The following GARRE1 variants were observed in gnomAD, a reference collection of about 807,000 sequenced individuals.
The protein encoded by GARRE1 is granule associated Rac and RHOG effector protein 1.
A neutral mutation model predicts 103.2 loss-of-function variants in GARRE1; 49 were observed. The observed-to-expected ratio is 0.47, with a 90% CI of 0.38 to 0.60. The LOEUF (loss-of-function observed/expected upper bound fraction) is 0.60. Among genes scored for constraint, GARRE1 ranks in the 20% least tolerant of loss-of-function variants. The probability of loss-of-function intolerance (pLI) is 0.00; values close to 1 mark genes in which losing one functional copy is unlikely to be tolerated. For missense variants in GARRE1, 1,199 were observed against 1,370.5 expected (o/e 0.87, Z 1.98); for synonymous variants, 505 against 532.8 (o/e 0.95, Z 0.72).
intron 1 of GARRE1, among the ~76,000 whole-genome samples, chr19:34,266,148 C>T (rs551760524): frequency 5.5e-4 from 84 of 152,286 alleles, no homozygotes; most frequent in Admixed American, 2.5e-3. Context: ...TTAGGAGAAC[C>T]TTAGTGAATG....
chr19:34,300,384 T>C lies in GARRE1; in HGVS notation c.-90T>C. 7.0e-7 allele frequency: 1 copy of C among 1,438,626 alleles called. No individual in the cohort carries two copies. The highest frequency in any genetic ancestry group is 9.3e-7 in the Non-Finnish European group (1 of 1,077,874). 89.1% of individuals were successfully genotyped at this position (1,438,626 alleles called of 1,614,324 possible). A position where few individuals can be genotyped will look rare whatever the true frequency, so the allele number is the denominator to read the frequency against. Reference sequence around the variant, plus strand: ...TTTTTAAAACTTCGATTTGCAGAACTCCACTATTTTTATACCTAGCTACAG... The same window carrying C: ...TTTTTAAAACTTCGATTTGCAGAACCCCACTATTTTTATACCTAGCTACAG... On this transcript the variant is annotated 5_prime_UTR_variant, in exon 2 of 14. Coordinates refer to ENST00000299505, the MANE Select transcript of GARRE1 (RefSeq NM_014686.5).
chr19:34,329,103 C>T (rs926052332), intron 6 of GARRE1, among the ~76,000 whole-genome samples: 4 of 152,174 alleles, frequency 2.6e-5, no homozygotes, highest in African/African-American at 9.7e-5. Context: ...GCCAGGTGCT[C>T]CACATCATTG....
intron 1 of GARRE1, among the ~76,000 whole-genome samples, chr19:34,272,010 A>G (rs984050299): frequency 6.6e-6 from 1 of 152,092 alleles, no homozygotes; most frequent in Non-Finnish European, 1.5e-5. Flanking sequence ...CATTTAGGAT[A>G]TAATAATAAT....
intron 7 of GARRE1, among the ~76,000 whole-genome samples, chr19:34,330,948 G>A (rs2074135131): frequency 1.3e-5 from 2 of 150,118 alleles, no homozygotes; most frequent in Admixed American, 6.6e-5. Context: ...TGCACAGGCT[G>A]GAGTGCAGTG....
chr19:34,295,476 C>G (rs1568533231), intron 1 of GARRE1, among the ~76,000 whole-genome samples: 1 of 151,298 alleles, frequency 6.6e-6, no homozygotes, highest in Non-Finnish European at 1.5e-5. Context: ...TTTCCCTCCC[C>G]TTTTTAGGCT....
Position 34,348,008 on chromosome 19 carries a change from C to A in GARRE1, c.2653C>A (p.Arg885=), listed in dbSNP as rs759885057. The A allele has an allele frequency of 2.6e-6, 4 of 1,525,010 alleles. No homozygotes were observed. The Admixed American group carries it at 6.0e-5, about 23-fold the overall frequency. 94.5% of individuals were successfully genotyped at this position (1,525,010 alleles called of 1,614,324 possible). A position where few individuals can be genotyped will look rare whatever the true frequency, so the allele number is the denominator to read the frequency against. ...GNWPPMDDAH[R]TWPFPEFFTE... is the part of the protein sequence containing the mutation. ...CTGGCCGCCTATGGATGACGCGCAT[C>A]GGACCTGGCCCTTCCCCGAGTTCTT... The change falls in exon 11 of 14, where the codon CGG becomes AGG. Residue 885 remains arginine (R), a synonymous_variant. Transcript: ENST00000299505.
At chr19:34,347,576 G>T (rs2074217788) in intron 10 of GARRE1, among the ~76,000 whole-genome samples, 1 of 152,150 alleles carries the variant, frequency 6.6e-6, no homozygotes, top group African/African-American at 2.4e-5. Flanking sequence ...AAATCTAGTC[G>T]TAGGGAAATC....
intron 1 of GARRE1, among the ~76,000 whole-genome samples, chr19:34,295,152 G>A (rs893103795): frequency 1.3e-5 from 2 of 152,210 alleles, no homozygotes; most frequent in Non-Finnish European, 2.9e-5. Flanking sequence ...TGAAGGAGCT[G>A]TAGCCCAGTT....
chr19:34,321,201 C>T (rs185050793), intron 3 of GARRE1, among the ~76,000 whole-genome samples: 4 of 145,766 alleles, frequency 2.7e-5, no homozygotes, highest in Non-Finnish European at 6.0e-5. Flanking sequence ...GGACTACAGG[C>T]GCCCGCCACC....
chr19:34,289,074 C>T (rs1005433159), intron 1 of GARRE1, among the ~76,000 whole-genome samples: 2 of 151,980 alleles, frequency 1.3e-5, no homozygotes, highest in African/African-American at 4.8e-5. Context: ...GTGAAGGTTG[C>T]AGTGAGCCAA....
At chr19:34,305,984 C>G (rs1289893570) in intron 2 of GARRE1, among the ~76,000 whole-genome samples, 1 of 152,138 alleles carries the variant, frequency 6.6e-6, no homozygotes, top group Non-Finnish European at 1.5e-5. Context: ...ATGTGATTGC[C>G]AAGCATAGGC....
Position 34,300,378 on chromosome 19 carries a change from C to G in GARRE1, c.-96C>G, listed in dbSNP as rs1450948029. 7.1e-7 allele frequency: 1 copy of G among 1,418,334 alleles called. No individual in the cohort carries two copies. Among genetic ancestry groups the G allele is most frequent in the Non-Finnish European group, 9.4e-7 (1 of 1,061,942 alleles). 87.9% of individuals were successfully genotyped at this position (1,418,334 alleles called of 1,614,324 possible). On this transcript the variant is annotated 5_prime_UTR_variant, in exon 2 of 14. Transcript: ENST00000299505. ...ATGCCTTTTTTAAAACTTCGATTTG[C>G]AGAACTCCACTATTTTTATACCTAG... is the stretch of plus-strand genomic sequence containing the variant.
intron 3 of GARRE1, among the ~76,000 whole-genome samples, chr19:34,324,834 T>G (rs1215708210): frequency 1.3e-5 from 2 of 152,198 alleles, no homozygotes; most frequent in Non-Finnish European, 2.9e-5. Context: ...CTGTTGAATT[T>G]GAAGCGTGTG....
At chr19:34,332,298 C>T (rs73926737) in intron 7 of GARRE1, among the ~76,000 whole-genome samples, 2 of 152,152 alleles carry the variant, frequency 1.3e-5, no homozygotes, top group African/African-American at 2.4e-5. Flanking sequence ...CTTGCTGAAG[C>T]GTGGAAGAGC....
At chr19:34,352,328 G>A (rs959146445) in intron 13 of GARRE1, among the ~76,000 whole-genome samples, 7 of 151,588 alleles carry the variant, frequency 4.6e-5, no homozygotes, top group Non-Finnish European at 7.4e-5. Flanking sequence ...CTTGAACCCC[G>A]GAGGCAGAGG....
Position 34,320,003 on chromosome 19 carries a change from G to C in GARRE1, c.592G>C (p.Ala198Pro). 2 of 1,614,198 alleles carry C rather than the reference G, an allele frequency of 1.2e-6. No homozygotes were observed. Among genetic ancestry groups the C allele is most frequent in the Non-Finnish European group, 1.7e-6 (2 of 1,180,040 alleles). ...KVQPVAHSCFAEVIVPEKKNS... is the reference protein window; with the variant it reads ...KVQPVAHSCFPEVIVPEKKNS... Reference sequence around the variant, plus strand: ...CCAGCCGGTGGCTCACTCTTGCTTTGCTGAGGTCATCGTGCCAGAAAAAAA... The same window carrying C: ...CCAGCCGGTGGCTCACTCTTGCTTTCCTGAGGTCATCGTGCCAGAAAAAAA... The change falls in exon 3 of 14, where the codon GCT becomes CCT. Residue 198 changes from alanine to proline, a missense_variant. Physicochemically the swap from Ala to Pro is conservative, Grantham distance 27 (BLOSUM62 -1). Coordinates refer to ENST00000299505, the MANE Select transcript of GARRE1 (RefSeq NM_014686.5).
intron 1 of GARRE1, among the ~76,000 whole-genome samples, chr19:34,298,523 G>C (rs1157256896): frequency 6.6e-6 from 1 of 151,942 alleles, no homozygotes. Flanking sequence ...GACCAGCCTG[G>C]CCAGCATGGT....
At position 34,285,410 on chromosome 19, in the gene GARRE1, G is replaced by A. The variant is rs532956478; in HGVS notation, c.-795-14269G>A. The A allele has an allele frequency of 2.0e-5, 3 of 152,240 alleles. No homozygotes were observed. The East Asian group carries it at 5.8e-4, about 29-fold the overall frequency. The allele number at this position is 152,240 out of a possible 1,614,324, so 9.4% of individuals were successfully genotyped here. On this transcript the variant is annotated intron_variant, in intron 1 of 13. Transcript: ENST00000299505. ...GCTGAGGCAGGCGGATCACTTTGAG[G>A]TCAGGAGTTTGAGACCAGCCTGGCC... is the stretch of plus-strand genomic sequence containing the variant.
chr19:34,293,883 C>T (rs149802579), intron 1 of GARRE1, among the ~76,000 whole-genome samples: 223 of 151,012 alleles, frequency 1.5e-3, no homozygotes, highest in Non-Finnish European at 2.6e-3. Flanking sequence ...CTCAGCCTCC[C>T]GAGTAGCTGG....
Sources: allele counts gnomAD v4.1 joint callset (sites outside exome capture counted in the v4.1 genomes callset), GRCh38; gene constraint gnomAD v4.1.1; transcripts MANE v1.5; gene names NCBI Gene and HGNC (gene_info 2026-07-23, HGNC 2026-07-21).